The following RASEF variants were observed in gnomAD, a reference collection of about 807,000 sequenced individuals.
RASEF encodes ras and EF-hand domain-containing protein.
RASEF carries 68 observed loss-of-function variants against 90.1 expected under a neutral mutation model. That is an observed-to-expected ratio of 0.75 (90% CI 0.62 to 0.92). The LOEUF is 0.92. RASEF is among the 40% of genes least tolerant of loss of function. The pLI is 0.00. For synonymous variants in RASEF, 331 were observed against 345.2 expected (o/e 0.96, Z 0.46); for missense variants, 949 against 937.2 (o/e 1.01, Z -0.16).
At chr9:82,997,877 G>C (rs1381499884) in intron 13 of RASEF, among the ~76,000 whole-genome samples, 1 of 152,148 alleles carries the variant, frequency 6.6e-6, no homozygotes, top group African/African-American at 2.4e-5. Context: ...ATTTTGTTCC[G>C]AAGGAGTTAA....
chr9:83,153,252 T>C, the RASEF span, among the ~76,000 whole-genome samples: 1 of 152,180 alleles, frequency 6.6e-6, no homozygotes, highest in African/African-American at 2.4e-5. Context: ...TCTCTCTTGT[T>C]CTCACTCTCA....
At chr9:83,162,189 C>G in the RASEF span, among the ~76,000 whole-genome samples, 2 of 151,942 alleles carry the variant, frequency 1.3e-5, no homozygotes. Context: ...GTTTAGAGAA[C>G]ATAGTATAAT....
At chr9:83,034,731 G>T (rs1829707950) in intron 1 of RASEF, among the ~76,000 whole-genome samples, 1 of 152,180 alleles carries the variant, frequency 6.6e-6, no homozygotes, top group Non-Finnish European at 1.5e-5. Flanking sequence ...ATACAGCACA[G>T]GATAAGTGGA....
the RASEF span, among the ~76,000 whole-genome samples, chr9:83,217,435 T>C: frequency 1.3e-5 from 2 of 152,120 alleles, no homozygotes; most frequent in Non-Finnish European, 2.9e-5. Context: ...CCCACCCAAA[T>C]ATCATTTTGA....
At position 83,060,847 on chromosome 9, in the gene RASEF, T is replaced by A. The variant is rs74486464; in HGVS notation, c.431+1590A>T. ...GTCTACCAGGTGACACCGGTGCCCA[T>A]TAAATGTAGTAATCTCTGAAGAATT... On this transcript the variant is annotated intron_variant, in intron 1 of 16. Transcript: ENST00000376447. Among the ~76,000 whole-genome samples, 1,494 of 152,254 alleles carry A rather than the reference T, an allele frequency of 9.8e-3. 15 individuals carry two copies. The highest frequency in any genetic ancestry group is 0.012 in the Non-Finnish European group (802 of 68,022).
At chr9:83,028,847 C>T (rs1213266444) in intron 1 of RASEF, among the ~76,000 whole-genome samples, 1 of 151,996 alleles carries the variant, frequency 6.6e-6, no homozygotes, top group African/African-American at 2.4e-5. Flanking sequence ...AGTTAAAATG[C>T]GGTCATTAGA....
At chr9:83,199,558 G>A in the RASEF span, among the ~76,000 whole-genome samples, 1 of 152,290 alleles carries the variant, frequency 6.6e-6, no homozygotes, top group Admixed American at 6.5e-5. Context: ...CCAACAAAAT[G>A]CACTTCTAAA....
At chr9:83,119,940 C>T in the RASEF span, among the ~76,000 whole-genome samples, 1 of 152,204 alleles carries the variant, frequency 6.6e-6, no homozygotes, top group Non-Finnish European at 1.5e-5. Flanking sequence ...ATTTCCTACA[C>T]AGTTCTTATG....
At chr9:83,049,552 T>TTA (rs869188001) in intron 1 of RASEF, among the ~76,000 whole-genome samples, 1 of 139,530 alleles carries the variant, frequency 7.2e-6, no homozygotes, top group Non-Finnish European at 1.5e-5. Context: ...TTTTTTTTTT[T>TTA]ATTATACTCT....
chr9:83,014,812 A>G (rs1416426450), intron 4 of RASEF, among the ~76,000 whole-genome samples: 1 of 152,186 alleles, frequency 6.6e-6, no homozygotes, highest in Non-Finnish European at 1.5e-5. Context: ...GCATGAAATC[A>G]GTAATGACAG....
the RASEF span, among the ~76,000 whole-genome samples, chr9:83,088,474 G>A: frequency 6.6e-6 from 1 of 152,034 alleles, no homozygotes; most frequent in Admixed American, 6.6e-5. Flanking sequence ...TTACCTTGCT[G>A]ATCTTCTCTT....
At chr9:83,023,484 TCA>T (rs150725755) in intron 2 of RASEF, among the ~76,000 whole-genome samples, 4,509 of 152,274 alleles carry the variant, frequency 0.03, 205 homozygotes, top group African/African-American at 0.1. Flanking sequence ...ATTTACTCCC[TCA>T]CACAACACAA....
the RASEF span, among the ~76,000 whole-genome samples, chr9:83,086,450 GT>G: frequency 6.6e-6 from 1 of 152,184 alleles, no homozygotes; most frequent in Non-Finnish European, 1.5e-5. Flanking sequence ...TATATTAGTA[GT>G]TATCTGATGC....
the RASEF span, among the ~76,000 whole-genome samples, chr9:83,151,322 G>T: frequency 6.6e-6 from 1 of 152,144 alleles, no homozygotes; most frequent in Admixed American, 6.5e-5. Context: ...AAGAGAGCAA[G>T]GAATTTCCAA....
At chr9:83,188,075 G>A in the RASEF span, among the ~76,000 whole-genome samples, 2 of 151,962 alleles carry the variant, frequency 1.3e-5, no homozygotes, top group Admixed American at 1.3e-4. Flanking sequence ...TGCCCCTAAT[G>A]GTTATTAATA....
chr9:82,999,973 A>G (rs1384669653), intron 12 of RASEF, among the ~76,000 whole-genome samples, 196 bp downstream of exon 12: 1 of 149,032 alleles, frequency 6.7e-6, no homozygotes, highest in Non-Finnish European at 1.5e-5. Context: ...AGACCTTTCC[A>G]TAGACTAGGA....
chr9:83,057,135 AG>A (rs1227646920), intron 1 of RASEF, among the ~76,000 whole-genome samples: 1 of 152,236 alleles, frequency 6.6e-6, no homozygotes, highest in African/African-American at 2.4e-5. Flanking sequence ...GAGCAAGGCA[AG>A]GATGCCCGCT....
At position 83,007,441 on chromosome 9, in the gene RASEF, G is replaced by A; in HGVS notation, c.1024C>T (p.Leu342Phe). The A allele has an allele frequency of 1.2e-6, 2 of 1,606,154 alleles. No homozygotes were observed. The highest frequency in any genetic ancestry group is 1.7e-6 in the Non-Finnish European group (2 of 1,172,742). ...RNSLERQIEI[L>F]QTANRKLHDS... ...GCATTTGATCTGCGGACTTACTGGA[G>A]TATTTCAATTTGCCTCTCAAGACTA... Residue 342 changes from leucine (L) to phenylalanine (F), a missense_variant, in exon 7 of 17, where the codon CTC becomes TTC. Coordinates refer to ENST00000376447, the MANE Select transcript of RASEF (RefSeq NM_152573.4).
the RASEF span, among the ~76,000 whole-genome samples, chr9:83,205,325 C>T: frequency 6.6e-6 from 1 of 152,184 alleles, no homozygotes; most frequent in African/African-American, 2.4e-5. Flanking sequence ...TTCAGATAAG[C>T]AAGCCATACA....
Sources: gnomAD v4.1 joint callset for allele counts (sites outside exome capture counted in the v4.1 genomes callset) on GRCh38, gnomAD v4.1.1 for gene constraint, MANE v1.5 for transcripts, NCBI Gene and HGNC (gene_info 2026-07-23, HGNC 2026-07-21) for gene names.